GRIK1: variants seen among roughly 807,000 people sequenced by gnomAD.
The protein encoded by GRIK1 is glutamate ionotropic receptor kainate type subunit 1.
Under a neutral mutation model 105.7 loss-of-function variants are expected in GRIK1, and 69 were observed. The ratio of observed to expected loss-of-function variants is 0.65; its 90% confidence interval spans 0.54 to 0.80. The LOEUF is 0.80. Ranked by LOEUF, GRIK1 falls within the 30% of genes least tolerant of loss-of-function variation. The pLI, the probability that GRIK1 is intolerant of heterozygous loss-of-function variation, is 0.00. For missense variants in GRIK1, 1,109 were observed against 1,167.3 expected, an observed-to-expected ratio of 0.95 and a Z score of 0.73; for synonymous variants, 438 against 431.3, an observed-to-expected ratio of 1.02 and a Z score of -0.19.
At position 29,746,779 on chromosome 21, in the gene GRIK1, G is replaced by C. The variant is rs566608811; in HGVS notation, c.119-52716C>G. Among the ~76,000 whole-genome samples, 124 of 152,284 alleles carry C rather than the reference G, an allele frequency of 8.1e-4. 1 individual carries two copies. The highest frequency in any genetic ancestry group is 2.7e-3 in the African/African-American group (111 of 41,560). On this transcript the variant is annotated intron_variant, in intron 1 of 17. Coordinates refer to ENST00000327783, the MANE Select transcript of GRIK1 (RefSeq NM_001330994.2). ...AAACCAGAGAATTGCCAATTGAAGG[G>C]AACAACCAGAAATGCAATTTAAAGT...
At chr21:29,573,027 C>T (rs1463354604) in intron 14 of GRIK1, among the ~76,000 whole-genome samples, 1 of 152,160 alleles carries the variant, frequency 6.6e-6, no homozygotes, top group Non-Finnish European at 1.5e-5. Flanking sequence ...CCAGCCTCGG[C>T]CTCCCAAAGT....
At chr21:29,897,510 T>G (rs1735072) in intron 1 of GRIK1, among the ~76,000 whole-genome samples, 33,646 of 152,142 alleles carry the variant, frequency 0.22, 4,247 homozygotes, top group African/African-American at 0.34. Context: ...TAGTTACCCT[T>G]GTTTCTCACT....
chr21:29,939,349 C>A (rs368268396), intron 1 of GRIK1, 34 bp downstream of exon 1: 88 of 1,262,118 alleles, frequency 7.0e-5, no homozygotes, highest in Non-Finnish European at 9.4e-5. Flanking sequence ...CGACCGACCA[C>A]GTCTCCCGAG....
In GRIK1 at chr21:29,798,621, A is replaced by G. The variant is rs556282678; in HGVS notation, c.119-104558T>C. ...AGTGCCTTTTAAAAATCCTTCATTC[A>G]TTACCTGCATTTCTCAAAGAATTTT... On this transcript the variant is annotated intron_variant, in intron 1 of 17. Coordinates refer to ENST00000327783, the MANE Select transcript of GRIK1 (RefSeq NM_001330994.2). Among the ~76,000 whole-genome samples, 5 of 152,304 alleles carry G rather than the reference A, an allele frequency of 3.3e-5. No individual in the cohort carries two copies. In the South Asian group the frequency reaches 1.0e-3, roughly 32 times the overall value.
intron 14 of GRIK1, among the ~76,000 whole-genome samples, chr21:29,567,447 C>G (rs1276434116): frequency 6.6e-6 from 1 of 152,116 alleles, no homozygotes; most frequent in Admixed American, 6.5e-5. Context: ...CTACTTCACA[C>G]TAATATGGCT....
chr21:29,576,988 A>T lies in GRIK1; in HGVS notation c.2106T>A (p.Asp702Glu), dbSNP rs376748572. The change falls in exon 14 of 18, where the codon GAT becomes GAA. Residue 702 changes from aspartate (D) to glutamate (E), a missense_variant. Physicochemically the swap from Asp to Glu is conservative, Grantham distance 45 (BLOSUM62 2). Coordinates refer to ENST00000327783, the MANE Select transcript of GRIK1 (RefSeq NM_001330994.2). The part of the protein sequence containing the change: ...QTKIEYGAVR[D>E]GSTMTFFKKS... The stretch of plus-strand genomic sequence containing the variant: ...CCTTGAAGAAGGTCATTGTTGATCC[A>T]TCTCTAACCGCCCCATATTCTATCT... The T allele has an allele frequency of 6.2e-6, 10 of 1,610,376 alleles. No individual in the cohort carries two copies. The highest frequency in any genetic ancestry group is 7.6e-6 in the Non-Finnish European group (9 of 1,177,154).
At chr21:29,613,235 A>C (rs1425873588) in intron 7 of GRIK1, among the ~76,000 whole-genome samples, 1 of 152,234 alleles carries the variant, frequency 6.6e-6, no homozygotes, top group East Asian at 1.9e-4. Context: ...GATTACTCAT[A>C]GAGCAGTTTG....
At chr21:29,672,900 A>G (rs775600270) in intron 4 of GRIK1, 83 bp downstream of exon 4, 2 of 951,066 alleles carry the variant, frequency 2.1e-6, no homozygotes, top group East Asian at 4.8e-5. Flanking sequence ...ATTATGCTGC[A>G]TTAAGTGAAA....
At chr21:29,854,220 T>C (rs1034307016) in intron 1 of GRIK1, among the ~76,000 whole-genome samples, 1 of 151,158 alleles carries the variant, frequency 6.6e-6, no homozygotes, top group Non-Finnish European at 1.5e-5. Context: ...GAGAAGCGAG[T>C]GGGGCTGCGC....
rs1048167526 is a variant in GRIK1 at position 29,591,365 on chromosome 21, G to A, written c.1252-140C>T. 167 of 672,220 alleles carry A rather than the reference G, an allele frequency of 2.5e-4. 3 individuals carry two copies. The highest frequency in any genetic ancestry group is 2.1e-3 in the South Asian group (126 of 58,796). 41.6% of individuals were successfully genotyped at this position (672,220 alleles called of 1,614,324 possible). A position where few individuals can be genotyped will look rare whatever the true frequency, so the allele number is the denominator to read the frequency against. ...GGCATCACAGTGGAAGCTACTAAAC[G>A]TGGGGAAATGAAACAACAGAGGAAT... is the stretch of plus-strand genomic sequence containing the variant. On this transcript the variant is annotated intron_variant, in intron 9 of 17. Coordinates refer to ENST00000327783, the MANE Select transcript of GRIK1 (RefSeq NM_001330994.2).
intron 7 of GRIK1, among the ~76,000 whole-genome samples, chr21:29,618,107 C>T (rs1303535677): frequency 6.6e-6 from 1 of 152,120 alleles, no homozygotes; most frequent in Non-Finnish European, 1.5e-5. Flanking sequence ...GATATTTCTT[C>T]CTCCAAGAAG....
intron 6 of GRIK1, among the ~76,000 whole-genome samples, chr21:29,643,912 A>T (rs965129041): frequency 6.7e-6 from 1 of 148,888 alleles, no homozygotes; most frequent in African/African-American, 2.5e-5. Flanking sequence ...ACACACATGC[A>T]CACACACACA....
At chr21:29,825,504 T>C (rs142094476) in intron 1 of GRIK1, among the ~76,000 whole-genome samples, 81 of 152,226 alleles carry the variant, frequency 5.3e-4, no homozygotes, top group Non-Finnish European at 6.5e-4. Context: ...TTTTAGATGA[T>C]ATATCTTTGA....
intron 7 of GRIK1, among the ~76,000 whole-genome samples, chr21:29,619,166 C>T (rs530025585): frequency 2.4e-4 from 35 of 145,340 alleles, no homozygotes; most frequent in African/African-American, 8.7e-4. Context: ...GGGTTGGGCA[C>T]GATGCCTCAC....
chr21:29,657,391 C>A (rs2062875089), intron 4 of GRIK1: 1 of 151,978 alleles, frequency 6.6e-6, no homozygotes, highest in Non-Finnish European at 1.5e-5. Flanking sequence ...TTTTAAAATT[C>A]CTGGAGGTAA....
intron 1 of GRIK1, among the ~76,000 whole-genome samples, chr21:29,925,022 G>A (rs1369262332): frequency 6.6e-6 from 1 of 152,152 alleles, no homozygotes; most frequent in Non-Finnish European, 1.5e-5. Context: ...TTGAAGTCTA[G>A]ATCAAACCAA....
chr21:29,829,797 G>A (rs1226087874), intron 1 of GRIK1, among the ~76,000 whole-genome samples: 2 of 152,200 alleles, frequency 1.3e-5, no homozygotes, highest in East Asian at 3.9e-4. Flanking sequence ...TGCACAGATA[G>A]GATTGATTCA....
intron 1 of GRIK1, among the ~76,000 whole-genome samples, chr21:29,930,474 GT>G (rs1050550022): frequency 3.3e-5 from 5 of 152,084 alleles, no homozygotes; most frequent in Admixed American, 6.5e-5. Flanking sequence ...ATTATGAAGT[GT>G]TTTTTTCCCC....
intron 1 of GRIK1, among the ~76,000 whole-genome samples, chr21:29,894,594 C>T (rs536871537): frequency 9.2e-5 from 14 of 152,126 alleles, no homozygotes; most frequent in African/African-American, 2.9e-4. Context: ...TCTCCTTTGG[C>T]GACACCCACA....
Sources: gnomAD v4.1 joint callset for allele counts (sites outside exome capture counted in the v4.1 genomes callset) on GRCh38, gnomAD v4.1.1 for gene constraint, MANE v1.5 for transcripts, NCBI Gene and HGNC (gene_info 2026-07-23, HGNC 2026-07-21) for gene names.